SAMD12: variants seen among roughly 807,000 people sequenced by gnomAD.
SAMD12 encodes the protein sterile alpha motif domain-containing protein 12.
In SAMD12, 9 loss-of-function variants were observed where a neutral mutation model predicts 15.0. The ratio of observed to expected loss-of-function variants is 0.60; its 90% CI spans 0.36 to 1.05. The LOEUF is 1.05. Among genes scored for constraint, SAMD12 ranks in the 50% least tolerant of loss-of-function variants. The pLI, the probability that SAMD12 is intolerant of heterozygous loss-of-function variation, is 0.01. For synonymous variants in SAMD12, 86 were observed against 90.1 expected (o/e 0.96, Z 0.25); for missense variants, 230 against 234.2 (o/e 0.98, Z 0.12).
At chr8:118,256,521 A>G (rs1336523840) in intron 4 of SAMD12, among the ~76,000 whole-genome samples, 1 of 152,070 alleles carries the variant, frequency 6.6e-6, no homozygotes, top group Non-Finnish European at 1.5e-5. Flanking sequence ...CAGAAAAACC[A>G]TTCTCCAATT....
intron 2 of SAMD12, among the ~76,000 whole-genome samples, chr8:118,448,350 T>A (rs1822979415): frequency 6.6e-6 from 1 of 152,264 alleles, no homozygotes; most frequent in African/African-American, 2.4e-5. Flanking sequence ...ACAATTCTGT[T>A]ATTTTTTCTA....
At chr8:118,343,097 A>G (rs2514950) in intron 4 of SAMD12, among the ~76,000 whole-genome samples, 150,503 of 152,146 alleles carry the variant, frequency 0.99, 74,456 homozygotes, top group Middle Eastern at 1. Context: ...GTAAGATGAG[A>G]AGGGTTGGCC....
chr8:118,258,101 T>A (rs2514979), intron 4 of SAMD12, among the ~76,000 whole-genome samples: 43,717 of 151,988 alleles, frequency 0.29, 10,598 homozygotes, highest in African/African-American at 0.65. Flanking sequence ...CTCTCTGTCC[T>A]TTGAAAGGCA....
exon 5 of SAMD12, chr8:118,193,441 A>T (rs1023353073): frequency 6.6e-6 from 1 of 152,250 alleles, no homozygotes; most frequent in Non-Finnish European, 1.5e-5. Context: ...TTCTGGATTC[A>T]GGATTAGATT....
chr8:118,617,489 T>C (rs537417732), intron 1 of SAMD12, among the ~76,000 whole-genome samples: 17 of 152,216 alleles, frequency 1.1e-4, no homozygotes, highest in Non-Finnish European at 2.4e-4. Flanking sequence ...TCCCTTAATA[T>C]AGATGTCATT....
intron 4 of SAMD12, among the ~76,000 whole-genome samples, chr8:118,283,998 TGTGG>T (rs1813795263): frequency 2.0e-5 from 3 of 152,260 alleles, no homozygotes; most frequent in African/African-American, 7.2e-5. Context: ...CTAGAAGGTG[TGTGG>T]ACTCATTTTC....
chr8:118,540,485 C>T (rs1361785773), intron 2 of SAMD12, among the ~76,000 whole-genome samples: 1 of 152,078 alleles, frequency 6.6e-6, no homozygotes, highest in Non-Finnish European at 1.5e-5. Flanking sequence ...TTGTGCATAA[C>T]CCTGGGTGTG....
downstream of SAMD12, among the ~76,000 whole-genome samples, chr8:118,374,229 T>C (rs891117371): frequency 1.3e-5 from 2 of 152,174 alleles, no homozygotes; most frequent in African/African-American, 4.8e-5. Context: ...ATGAGTAGAA[T>C]CATGCATTAT....
At chr8:118,511,816 G>T (rs1036024211) in intron 2 of SAMD12, among the ~76,000 whole-genome samples, 1 of 152,134 alleles carries the variant, frequency 6.6e-6, no homozygotes, top group African/African-American at 2.4e-5. Flanking sequence ...GACATTAAAG[G>T]TGCCCATTTA....
chr8:118,465,113 C>CAAATATACCCCAATCTTA lies in SAMD12; in HGVS notation c.193-25170_193-25153dup, dbSNP rs1011426333. 2.6e-5 allele frequency among the ~76,000 whole-genome samples: 4 copies of CAAATATACCCCAATCTTA among 152,078 alleles called. No homozygotes were observed. The East Asian group carries it at 7.7e-4, about 29-fold the overall frequency. ...AATCTGAAGAGTTTCTTAAAAGGAG[C>CAAATATACCCCAATCTTA]AAATATACCCCAATCTTAAAATATA... On this transcript the variant is annotated intron_variant, in intron 2 of 3. Coordinates refer to ENST00000314727, the MANE Select transcript of SAMD12 (RefSeq NM_207506.3).
At chr8:118,345,607 G>A (rs1019508885) in intron 4 of SAMD12, among the ~76,000 whole-genome samples, 3 of 152,202 alleles carry the variant, frequency 2.0e-5, no homozygotes, top group African/African-American at 7.2e-5. Context: ...ATAAGCGTGG[G>A]GTGTAGACAG....
At position 118,231,417 on chromosome 8, in the gene SAMD12, T is replaced by C. The variant is rs561055787; in HGVS notation, c.434-33685A>G. ...CCTATGATTTCCAATAATTCATTCA[T>C]TCGACCCATATTCATTGAACAGAAC... On this transcript the variant is annotated intron_variant, in intron 4 of 4. Coordinates refer to the SAMD12 transcript ENST00000409003. 8.5e-5 allele frequency among the ~76,000 whole-genome samples: 13 copies of C among 152,286 alleles called. No individual in the cohort carries two copies. In the South Asian group the frequency reaches 2.7e-3, roughly 32 times the overall value.
At chr8:118,571,257 G>C (rs949698907) in intron 2 of SAMD12, among the ~76,000 whole-genome samples, 7 of 152,286 alleles carry the variant, frequency 4.6e-5, no homozygotes, top group Admixed American at 4.6e-4. Context: ...TCAGAAGAAG[G>C]CAGGAAAATG....
intron 2 of SAMD12, among the ~76,000 whole-genome samples, chr8:118,547,016 T>TGAG (rs1826148989): frequency 6.6e-6 from 1 of 152,214 alleles, no homozygotes; most frequent in Non-Finnish European, 1.5e-5. Context: ...AAAAGAATGT[T>TGAG]TACAGAATAT....
intron 2 of SAMD12, among the ~76,000 whole-genome samples, chr8:118,532,670 G>GGTGTAT (rs1825723485): frequency 1.3e-5 from 2 of 152,048 alleles, no homozygotes; most frequent in South Asian, 4.1e-4. Flanking sequence ...GTCTTGGGAG[G>GGTGTAT]GTGTATGTGT....
chr8:118,478,146 T>A (rs1351276457), intron 2 of SAMD12, among the ~76,000 whole-genome samples: 1 of 152,148 alleles, frequency 6.6e-6, no homozygotes. Flanking sequence ...TCCTTTTATA[T>A]CAAATTAATT....
intron 4 of SAMD12, among the ~76,000 whole-genome samples, chr8:118,368,680 T>G (rs959835035): frequency 6.6e-6 from 1 of 152,192 alleles, no homozygotes; most frequent in African/African-American, 2.4e-5. Context: ...GATATTGCAT[T>G]CACTGCTTTG....
chr8:118,321,154 T>A lies in SAMD12; in HGVS notation c.433+58406A>T, dbSNP rs1375693624. Among the ~76,000 whole-genome samples, 165 of 41,666 alleles carry A rather than the reference T, an allele frequency of 4.0e-3. 4 individuals are homozygous for A. Among genetic ancestry groups the A allele is most frequent in the African/African-American group, 0.021 (152 of 7,330 alleles). The allele number at this position is 41,666 out of a possible 152,430, so 27.3% of individuals were successfully genotyped here. ...ATATCATAGATAATAAATATATATATATATATATATATATATATATATATA... is the reference window on the plus strand; with the variant it reads ...ATATCATAGATAATAAATATATATAAATATATATATATATATATATATATA... On this transcript the variant is annotated intron_variant, in intron 4 of 4. Transcript: ENST00000409003.
At chr8:118,570,676 A>G (rs1403105940) in intron 2 of SAMD12, among the ~76,000 whole-genome samples, 1 of 152,142 alleles carries the variant, frequency 6.6e-6, no homozygotes, top group Non-Finnish European at 1.5e-5. Context: ...ACATACGTGT[A>G]TCTTTATAAT....
Sources: allele counts gnomAD v4.1 joint callset (sites outside exome capture counted in the v4.1 genomes callset), GRCh38; gene constraint gnomAD v4.1.1; transcripts MANE v1.5; gene names NCBI Gene and HGNC (gene_info 2026-07-23, HGNC 2026-07-21).